Variants in CDH8 observed in about 807,000 individuals in gnomAD.
The protein encoded by CDH8 is cadherin-8.
In CDH8, 17 loss-of-function variants were observed where a neutral mutation model predicts 68.1. The ratio of observed to expected loss-of-function variants is 0.25; its 90% CI spans 0.17 to 0.37. The LOEUF (loss-of-function observed/expected upper bound fraction) is 0.37. CDH8 is among the 10% of genes least tolerant of loss of function. The pLI is 1.00. For synonymous variants in CDH8, 372 were observed against 365.1 expected (o/e 1.02, Z -0.21); for missense variants, 763 against 999.3 (o/e 0.76, Z 3.19).
intron 10 of CDH8, among the ~76,000 whole-genome samples, chr16:61,690,461 G>A (rs1964197516): frequency 6.6e-6 from 1 of 152,056 alleles, no homozygotes; most frequent in African/African-American, 2.4e-5. Flanking sequence ...TGAGAAAAAT[G>A]AGGTTTTAAG....
rs182360665 is a variant in CDH8 at position 62,019,061 on chromosome 16, A to G, written c.252+2091T>C. Among the ~76,000 whole-genome samples the G allele has an allele frequency of 1.3e-3, 191 of 152,358 alleles. 3 individuals are homozygous for G. Among genetic ancestry groups the G allele is most frequent in the Admixed American group, 0.012 (185 of 15,310 alleles). ...TTTACATTATGCAAGACACAGTCAG[A>G]GTGATATACCTTCATAAAAAGATAA... On this transcript the variant is annotated intron_variant, in intron 2 of 11. Coordinates refer to ENST00000577390, the MANE Select transcript of CDH8 (RefSeq NM_001796.5).
rs375684749 is a variant in CDH8 at position 61,706,505 on chromosome 16, C to T, written c.1654+7336G>A. Among the ~76,000 whole-genome samples, 394 of 151,686 alleles carry T rather than the reference C, an allele frequency of 2.6e-3. 4 individuals carry two copies. Among genetic ancestry groups the T allele is most frequent in the African/African-American group, 9.2e-3 (380 of 41,376 alleles). On this transcript the variant is annotated intron_variant, in intron 10 of 11. Coordinates refer to ENST00000577390, the MANE Select transcript of CDH8 (RefSeq NM_001796.5). Reference sequence around the variant, plus strand: ...GCGTGGTGGCGGGCGCCTGTAGTCCCGGCTACTCAGGAGGCTGAGGCAGGA... The same window carrying T: ...GCGTGGTGGCGGGCGCCTGTAGTCCTGGCTACTCAGGAGGCTGAGGCAGGA...
At chr16:61,705,628 A>G (rs1286792009) in intron 10 of CDH8, among the ~76,000 whole-genome samples, 1 of 152,182 alleles carries the variant, frequency 6.6e-6, no homozygotes, top group Non-Finnish European at 1.5e-5. Flanking sequence ...ATGATTAAAG[A>G]CGCACATCAC....
chr16:61,843,204 C>A (rs1391242314), intron 4 of CDH8, among the ~76,000 whole-genome samples: 2 of 152,016 alleles, frequency 1.3e-5, no homozygotes, highest in African/African-American at 4.8e-5. Context: ...CACGCTAAAT[C>A]ATTTTCAAGC....
chr16:61,931,259 G>A (rs990845025), intron 2 of CDH8, among the ~76,000 whole-genome samples: 2 of 152,102 alleles, frequency 1.3e-5, no homozygotes, highest in African/African-American at 4.8e-5. Flanking sequence ...GAACTCCTGG[G>A]TTCAATCTAT....
chr16:61,931,188 C>G (rs1401656595), intron 2 of CDH8, among the ~76,000 whole-genome samples: 1 of 152,010 alleles, frequency 6.6e-6, no homozygotes, highest in Non-Finnish European at 1.5e-5. Context: ...TGTTTCAGAA[C>G]AGGGTTTCAC....
intron 2 of CDH8, among the ~76,000 whole-genome samples, chr16:61,971,911 A>T (rs1965346548): frequency 6.6e-6 from 1 of 152,214 alleles, no homozygotes; most frequent in Admixed American, 6.5e-5. Context: ...GAATTGAAAA[A>T]AATTTGAATC....
At chr16:61,744,187 T>C (rs1254319893) in intron 8 of CDH8, among the ~76,000 whole-genome samples, 1 of 152,146 alleles carries the variant, frequency 6.6e-6, no homozygotes, top group Non-Finnish European at 1.5e-5. Flanking sequence ...ATGTTCTCTA[T>C]CTTCGGTTTT....
At chr16:61,755,707 G>A (rs1362974353) in intron 8 of CDH8, among the ~76,000 whole-genome samples, 1 of 151,918 alleles carries the variant, frequency 6.6e-6, no homozygotes, top group Admixed American at 6.6e-5. Flanking sequence ...ATTTAATCAA[G>A]ATAAAATAAC....
At position 61,684,384 on chromosome 16, in the gene CDH8, C is replaced by T. The variant is rs146825952; in HGVS notation, c.1655-28663G>A. On this transcript the variant is annotated intron_variant, in intron 10 of 11. Transcript: ENST00000577390. ...CCAGGTATTACTTGAGAAGAAGAAC[C>T]CTGAGAGTTTTTTATTGGCTAGGCA... Among the ~76,000 whole-genome samples, 542 of 151,704 alleles carry T rather than the reference C, an allele frequency of 3.6e-3. 2 individuals are homozygous for T. Among genetic ancestry groups the T allele is most frequent in the African/African-American group, 0.013 (517 of 41,360 alleles).
rs544271735 is a variant in CDH8 at position 61,687,340 on chromosome 16, G to C, written c.1654+26501C>G. 2.6e-5 allele frequency among the ~76,000 whole-genome samples: 4 copies of C among 152,010 alleles called. No individual in the cohort carries two copies. The East Asian group carries it at 7.8e-4, about 30-fold the overall frequency. The stretch of plus-strand genomic sequence containing the variant: ...ACTGTACACATACAGATTTTATCCA[G>C]TAATCTTAACTTTAGATGAGGACAT... On this transcript the variant is annotated intron_variant, in intron 10 of 11. Transcript: ENST00000577390.
At chr16:62,010,923 A>G (rs1341332674) in intron 2 of CDH8, among the ~76,000 whole-genome samples, 1 of 149,780 alleles carries the variant, frequency 6.7e-6, no homozygotes, top group Non-Finnish European at 1.5e-5. Flanking sequence ...AGTCTGGGCA[A>G]CAAGAGCGAA....
At chr16:61,686,692 C>T (rs1964116100) in intron 10 of CDH8, among the ~76,000 whole-genome samples, 2 of 151,894 alleles carry the variant, frequency 1.3e-5, no homozygotes, top group Non-Finnish European at 2.9e-5. Flanking sequence ...GGAAATGCTA[C>T]TTGGGTAAAG....
rs758355837 is a variant in CDH8, at chr16:61,967,830, C to T, written c.252+53322G>A. ...ATTTATTTATTTATTTCGTTTGAGACGGAGTTTCGCTCTTGTTACCCAGGC... is the reference window on the plus strand; with the variant it reads ...ATTTATTTATTTATTTCGTTTGAGATGGAGTTTCGCTCTTGTTACCCAGGC... On this transcript the variant is annotated intron_variant, in intron 2 of 11. Coordinates refer to ENST00000577390, the MANE Select transcript of CDH8 (RefSeq NM_001796.5). Among the ~76,000 whole-genome samples the T allele has an allele frequency of 3.9e-5, 6 of 152,070 alleles. No individual in the cohort carries two copies. The East Asian group carries it at 7.7e-4, about 20-fold the overall frequency.
chr16:61,915,260 A>G (rs1023522554), intron 2 of CDH8, among the ~76,000 whole-genome samples: 15 of 152,216 alleles, frequency 9.9e-5, no homozygotes, highest in Admixed American at 4.6e-4. Flanking sequence ...AAGAAAATCC[A>G]TTCATGTGAC....
chr16:61,927,325 G>A (rs1364888687), intron 2 of CDH8, among the ~76,000 whole-genome samples: 1 of 151,848 alleles, frequency 6.6e-6, no homozygotes, highest in Non-Finnish European at 1.5e-5. Context: ...AAGTATAGTA[G>A]ATACAGATCT....
At chr16:62,022,521 C>T (rs139223584) in intron 1 of CDH8, among the ~76,000 whole-genome samples, 2 of 152,012 alleles carry the variant, frequency 1.3e-5, no homozygotes, top group Admixed American at 6.6e-5. Flanking sequence ...TTACCCTCAG[C>T]GTGGCAAAAT....
intron 2 of CDH8, among the ~76,000 whole-genome samples, chr16:61,954,945 C>T (rs1269166127): frequency 6.6e-6 from 1 of 152,078 alleles, no homozygotes; most frequent in Non-Finnish European, 1.5e-5. Context: ...ACATAATGAA[C>T]CACCATTATT....
chr16:61,736,658 C>A (rs1959695895), intron 8 of CDH8, among the ~76,000 whole-genome samples: 1 of 152,092 alleles, frequency 6.6e-6, no homozygotes, highest in Non-Finnish European at 1.5e-5. Flanking sequence ...GAAATTACAA[C>A]TTATAATTTC....
Sources: allele counts gnomAD v4.1 joint callset (sites outside exome capture counted in the v4.1 genomes callset), GRCh38; gene constraint gnomAD v4.1.1; transcripts MANE v1.5; gene names NCBI Gene and HGNC (gene_info 2026-07-23, HGNC 2026-07-21).